Variants in RPAP3 observed in about 807,000 individuals in gnomAD.
RPAP3 encodes the protein RNA polymerase II associated protein 3.
Under a neutral mutation model 88.8 loss-of-function variants are expected in RPAP3, and 58 were observed. The ratio of observed to expected loss-of-function variants is 0.65; its 90% CI spans 0.53 to 0.81. The LOEUF is 0.81. Among genes scored for constraint, RPAP3 ranks in the 40% least tolerant of loss-of-function variants. The pLI, the probability that RPAP3 is intolerant of heterozygous loss-of-function variation, is 0.00. For missense variants in RPAP3, 751 were observed against 764.3 expected (o/e 0.98, Z 0.20); for synonymous variants, 255 against 259.9 (o/e 0.98, Z 0.18).
intron 12 of RPAP3, among the ~76,000 whole-genome samples, chr12:47,674,915 C>CAAAATAAAGGCATG (rs1356599991): frequency 1.3e-5 from 2 of 152,014 alleles, no homozygotes; most frequent in Non-Finnish European, 2.9e-5. Context: ...AGATACTCCT[C>CAAAATAAAGGCATG]GAGAAGAGCA....
chr12:47,679,806 T>G (rs1188842983), intron 10 of RPAP3, 32 bp from the exon 11 acceptor site: 2 of 1,428,856 alleles, frequency 1.4e-6, no homozygotes, highest in African/African-American at 2.8e-5. Context: ...CATTACAACA[T>G]AGTTAAAATG....
chr12:47,700,670 C>T (rs754981743), intron 3 of RPAP3, among the ~76,000 whole-genome samples: 4 of 152,158 alleles, frequency 2.6e-5, no homozygotes, highest in Non-Finnish European at 5.9e-5. Flanking sequence ...TAAGGCAGAG[C>T]ACTGATGGTG....
In RPAP3 at chr12:47,670,343, T is replaced by A; in HGVS notation, c.1290A>T (p.Lys430Asn). ...IDNPPHPGST[K>N]PLKKVIIEET... ...CTTCAATAATAACCTTCTTGAGTGG[T>A]TTCTAAAACAATTAAAATCAATTCC... Residue 430 changes from lysine (K) to asparagine (N), a missense_variant and splice_region_variant, in exon 13 of 17, where the codon AAA becomes AAT. Coordinates refer to ENST00000005386, the MANE Select transcript of RPAP3 (RefSeq NM_024604.3). The A allele has an allele frequency of 6.5e-7, 1 of 1,538,088 alleles. No homozygotes were observed. The highest frequency in any genetic ancestry group is 8.9e-7 in the Non-Finnish European group (1 of 1,121,102).
chr12:47,693,623 C>A (rs2136637504), intron 5 of RPAP3, among the ~76,000 whole-genome samples: 1 of 152,262 alleles, frequency 6.6e-6, no homozygotes, highest in South Asian at 2.1e-4. Context: ...TAGTAGCATT[C>A]CCTTTAATGA....
At chr12:47,663,626 A>G (rs941097643) in intron 16 of RPAP3, 36 bp from the exon 17 acceptor site, 2 of 1,320,452 alleles carry the variant, frequency 1.5e-6, no homozygotes, top group African/African-American at 3.0e-5. Flanking sequence ...TTTTAATCTC[A>G]TTTTTTAAAA....
chr12:47,664,852 G>A (rs1418323538), intron 16 of RPAP3: 1 of 152,214 alleles, frequency 6.6e-6, no homozygotes, highest in African/African-American at 2.4e-5. Flanking sequence ...TTCTATTAGA[G>A]AGGGAGATAT....
chr12:47,685,338 C>G (rs1939301103), intron 9 of RPAP3, among the ~76,000 whole-genome samples: 1 of 149,856 alleles, frequency 6.7e-6, no homozygotes, highest in Non-Finnish European at 1.5e-5. Context: ...AAAATTACAC[C>G]ACTGCACTCC....
chr12:47,705,796 C>T lies in RPAP3; in HGVS notation c.-7+156G>A, dbSNP rs1048301380. Among the ~76,000 whole-genome samples the T allele has an allele frequency of 8.5e-5, 13 of 152,290 alleles. No individual in the cohort carries two copies. In the East Asian group the frequency reaches 2.5e-3, roughly 29 times the overall value. On this transcript the variant is annotated intron_variant, in intron 1 of 16. Transcript: ENST00000005386. ...AACGCGCGACCCGAGACGCCGCTGC[C>T]CTGGACACCGACGCGCCGCCTCAAC...
chr12:47,702,037 T>G (rs1257270072), intron 2 of RPAP3, among the ~76,000 whole-genome samples: 2 of 152,206 alleles, frequency 1.3e-5, no homozygotes, highest in Admixed American at 1.3e-4. Flanking sequence ...TATCTGCATT[T>G]TTATGCCAAT....
chr12:47,670,584 T>C (rs1938977629), intron 12 of RPAP3, among the ~76,000 whole-genome samples: 1 of 152,116 alleles, frequency 6.6e-6, no homozygotes, highest in Non-Finnish European at 1.5e-5. Context: ...TATAAGGCCA[T>C]GGTCATGTTT....
intron 3 of RPAP3, among the ~76,000 whole-genome samples, chr12:47,700,322 G>C (rs1421496762): frequency 6.6e-6 from 1 of 152,040 alleles, no homozygotes; most frequent in African/African-American, 2.4e-5. Flanking sequence ...AAAGAACATG[G>C]GATTAGAAAG....
chr12:47,704,639 A>G (rs1205971511), intron 1 of RPAP3, among the ~76,000 whole-genome samples: 1 of 151,744 alleles, frequency 6.6e-6, no homozygotes, highest in Non-Finnish European at 1.5e-5. Context: ...CGGCCTCCCA[A>G]AGTGCTGGGA....
intron 5 of RPAP3, among the ~76,000 whole-genome samples, chr12:47,695,382 AG>A (rs1939504894): frequency 6.6e-6 from 1 of 152,166 alleles, no homozygotes; most frequent in African/African-American, 2.4e-5. Context: ...TATATTATTT[AG>A]GAACATATAC....
At position 47,663,831 on chromosome 12, in the gene RPAP3, T is replaced by C. The variant is rs544338562; in HGVS notation, c.1913-241A>G. On this transcript the variant is annotated intron_variant, in intron 16 of 16. Transcript: ENST00000005386. ...GCAGTATAAAATTTGCCCTGCATTC[T>C]CAATGATATTAATCTTGCAGATTAA... Among the ~76,000 whole-genome samples the C allele has an allele frequency of 9.8e-5, 15 of 152,338 alleles. No homozygotes were observed. The East Asian group carries it at 2.5e-3, about 25-fold the overall frequency.
In RPAP3 at chr12:47,672,573, GTCTCAAAGGCA is replaced by G. The variant is rs1174455214; in HGVS notation, c.1288-2239_1288-2229del. On this transcript the variant is annotated intron_variant, in intron 12 of 16. Transcript: ENST00000005386. ...GTTTATCAAGTGGGGCTCAAATCCA[GTCTCAAAGGCA>G]TTATACCAAACTGCTATCCTCTACT... Among the ~76,000 whole-genome samples, 3 of 152,166 alleles carry G rather than the reference GTCTCAAAGGCA, an allele frequency of 2.0e-5. No individual in the cohort carries two copies. In the East Asian group the frequency reaches 5.8e-4, roughly 29 times the overall value.
intron 14 of RPAP3, among the ~76,000 whole-genome samples, 169 bp from the exon 15 acceptor site, chr12:47,668,020 C>T (rs576139619): frequency 2.0e-5 from 3 of 152,196 alleles, no homozygotes; most frequent in Admixed American, 2.0e-4. Flanking sequence ...CATGGAGAAA[C>T]CCCATCTCCA....
At chr12:47,665,626 T>C (rs940572073) in intron 16 of RPAP3, among the ~76,000 whole-genome samples, 7 of 148,912 alleles carry the variant, frequency 4.7e-5, no homozygotes, top group Non-Finnish European at 7.5e-5. Context: ...TATTTTAATA[T>C]ATATTTTTTT....
At chr12:47,684,341 C>T (rs1659691741) in intron 9 of RPAP3, among the ~76,000 whole-genome samples, 1 of 152,254 alleles carries the variant, frequency 6.6e-6, no homozygotes, top group South Asian at 2.1e-4. Context: ...CTACCCCGCA[C>T]ACTGGTAGGT....
chr12:47,673,305 T>C (rs911623820), intron 12 of RPAP3, among the ~76,000 whole-genome samples: 2 of 151,790 alleles, frequency 1.3e-5, no homozygotes, highest in African/African-American at 4.8e-5. Flanking sequence ...TAGCCAGGCA[T>C]GATGGCAGGT....
Sources: gnomAD v4.1 joint callset for allele counts (sites outside exome capture counted in the v4.1 genomes callset) on GRCh38, gnomAD v4.1.1 for gene constraint, MANE v1.5 for transcripts, NCBI Gene and HGNC (gene_info 2026-07-23, HGNC 2026-07-21) for gene names.